The following ARHGAP24 variants were observed in gnomAD, a reference collection of about 807,000 sequenced individuals.
ARHGAP24 encodes Rho GTPase activating protein 24.
A neutral mutation model predicts 76.4 loss-of-function variants in ARHGAP24; 50 were observed. The ratio of observed to expected loss-of-function variants is 0.65; its 90% CI spans 0.52 to 0.83. The LOEUF (loss-of-function observed/expected upper bound fraction) is 0.83, where lower values mean the gene tolerates loss of function less well. Among genes scored for constraint, ARHGAP24 ranks in the 40% least tolerant of loss-of-function variants. The probability of loss-of-function intolerance (pLI) is 0.00; values close to 1 mark genes in which losing one functional copy is unlikely to be tolerated. For missense variants in ARHGAP24, 930 were observed against 914.2 expected (o/e 1.02, Z -0.22); for synonymous variants, 345 against 323.3 (o/e 1.07, Z -0.72).
intron 2 of ARHGAP24, among the ~76,000 whole-genome samples, chr4:85,704,616 G>A (rs1724226309): frequency 1.3e-5 from 2 of 152,108 alleles, no homozygotes; most frequent in South Asian, 2.1e-4. Context: ...TAAAAACTAT[G>A]ATACTCAGTT....
chr4:85,477,593 G>A (rs944565895), intron 1 of ARHGAP24, among the ~76,000 whole-genome samples: 4 of 152,156 alleles, frequency 2.6e-5, no homozygotes, highest in African/African-American at 7.2e-5. Context: ...TGTGATCTTG[G>A]ACTCTGCAGG....
At chr4:85,795,730 T>C (rs1361325923) in intron 3 of ARHGAP24, among the ~76,000 whole-genome samples, 1 of 140,318 alleles carries the variant, frequency 7.1e-6, no homozygotes, top group South Asian at 2.2e-4. Context: ...GTTAATGTAA[T>C]ATGGTAAAAA....
At chr4:85,658,819 G>A (rs182638023) in intron 2 of ARHGAP24, among the ~76,000 whole-genome samples, 16 of 152,322 alleles carry the variant, frequency 1.1e-4, no homozygotes, top group Non-Finnish European at 1.9e-4. Flanking sequence ...AAATGTGGAA[G>A]CAAGGAGACA....
At chr4:85,720,151 T>A (rs1190325707) in intron 2 of ARHGAP24, among the ~76,000 whole-genome samples, 3 of 152,016 alleles carry the variant, frequency 2.0e-5, no homozygotes, top group Admixed American at 2.0e-4. Context: ...CATTAGGAGA[T>A]ATACCTAATG....
chr4:85,986,007 G>A (rs948877076), intron 8 of ARHGAP24, among the ~76,000 whole-genome samples: 3 of 152,050 alleles, frequency 2.0e-5, no homozygotes, highest in African/African-American at 4.8e-5. Context: ...TCTTATTTTG[G>A]TGGATGTTTA....
chr4:85,501,481 A>G (rs1376176968), intron 1 of ARHGAP24, among the ~76,000 whole-genome samples: 2 of 152,174 alleles, frequency 1.3e-5, no homozygotes, highest in African/African-American at 4.8e-5. Context: ...GCCAGTGATG[A>G]TGAGCATTTT....
chr4:85,798,274 G>C (rs1728448103), intron 3 of ARHGAP24, among the ~76,000 whole-genome samples: 2 of 152,134 alleles, frequency 1.3e-5, no homozygotes, highest in African/African-American at 4.8e-5. Context: ...TCAGTGAAAA[G>C]CATATCTCAA....
chr4:85,971,042 G>T (rs1738940517), intron 5 of ARHGAP24, among the ~76,000 whole-genome samples: 1 of 152,142 alleles, frequency 6.6e-6, no homozygotes, highest in Non-Finnish European at 1.5e-5. Flanking sequence ...TTATGTAAAG[G>T]ACGTTAAGTT....
intron 3 of ARHGAP24, among the ~76,000 whole-genome samples, chr4:85,880,446 G>C (rs1733180258): frequency 6.6e-6 from 1 of 152,244 alleles, no homozygotes; most frequent in East Asian, 1.9e-4. Context: ...AAAGCTTTCT[G>C]GTTGCAGTGT....
intron 2 of ARHGAP24, among the ~76,000 whole-genome samples, chr4:85,714,617 A>C (rs1724666393): frequency 6.6e-6 from 1 of 152,128 alleles, no homozygotes; most frequent in Non-Finnish European, 1.5e-5. Flanking sequence ...AATGTAGTAC[A>C]TTCTACAGTG....
At chr4:85,827,141 G>A (rs1159169138) in intron 3 of ARHGAP24, among the ~76,000 whole-genome samples, 1 of 152,080 alleles carries the variant, frequency 6.6e-6, no homozygotes, top group African/African-American at 2.4e-5. Context: ...ATGCATAATC[G>A]AGACTGATTT....
At chr4:85,564,435 T>C (rs1296767757) in intron 1 of ARHGAP24, among the ~76,000 whole-genome samples, 1 of 122,932 alleles carries the variant, frequency 8.1e-6, no homozygotes, top group African/African-American at 3.0e-5. Context: ...GAGATATACC[T>C]AATGTAAATG....
At chr4:85,969,831 T>C (rs1738856005) in intron 5 of ARHGAP24, among the ~76,000 whole-genome samples, 1 of 152,212 alleles carries the variant, frequency 6.6e-6, no homozygotes, top group South Asian at 2.1e-4. Flanking sequence ...AATTTAGTTT[T>C]AGGAATTAAT....
intron 4 of ARHGAP24, among the ~76,000 whole-genome samples, chr4:85,939,501 A>T (rs1736833501): frequency 1.3e-5 from 2 of 152,156 alleles, no homozygotes; most frequent in South Asian, 4.1e-4. Flanking sequence ...TAGTTACTTT[A>T]TGTGTTTCTT....
At chr4:85,478,122 A>G (rs771074032) in intron 1 of ARHGAP24, among the ~76,000 whole-genome samples, 7 of 152,194 alleles carry the variant, frequency 4.6e-5, no homozygotes, top group Non-Finnish European at 1.0e-4. Context: ...GAGGTTGGTG[A>G]TAACAAGAGC....
chr4:85,761,872 G>T (rs1442973438), intron 3 of ARHGAP24, among the ~76,000 whole-genome samples: 1 of 152,178 alleles, frequency 6.6e-6, no homozygotes, highest in Non-Finnish European at 1.5e-5. Flanking sequence ...AGCTTTCACT[G>T]AACCAACAAA....
intron 3 of ARHGAP24, among the ~76,000 whole-genome samples, chr4:85,909,851 G>T (rs28605002): frequency 0.19 from 28,597 of 152,114 alleles, 2,861 homozygotes; most frequent in South Asian, 0.3. Flanking sequence ...CAGGATCCTT[G>T]GGGTGTCCCT....
chr4:85,652,286 G>T (rs773009255), intron 2 of ARHGAP24, among the ~76,000 whole-genome samples: 1 of 152,148 alleles, frequency 6.6e-6, no homozygotes, highest in Non-Finnish European at 1.5e-5. Context: ...TAAAGAATAT[G>T]TTAGTGATTA....
rs191302151 is a variant in ARHGAP24, at chr4:85,743,715, G to T, written c.268+21743G>T. On this transcript the variant is annotated intron_variant, in intron 3 of 9. Transcript: ENST00000395184. ...TAAGACACACAGGCCAAATAAGACT[G>T]ACTGCAAGTTAGCACAAGAGTGCAA... Among the ~76,000 whole-genome samples, 17 of 152,118 alleles carry T rather than the reference G, an allele frequency of 1.1e-4. No homozygotes were observed. In the East Asian group the frequency reaches 2.9e-3, roughly 26 times the overall value.
Sources: allele counts gnomAD v4.1 joint callset (sites outside exome capture counted in the v4.1 genomes callset), GRCh38; gene constraint gnomAD v4.1.1; transcripts MANE v1.5; gene names NCBI Gene and HGNC (gene_info 2026-07-23, HGNC 2026-07-21).